TUBGCP6: variants seen among roughly 807,000 people sequenced by gnomAD.
TUBGCP6 encodes gamma-tubulin complex component 6.
A neutral mutation model predicts 175.8 loss-of-function variants in TUBGCP6; 161 were observed. That is an observed-to-expected ratio of 0.92 (90% CI 0.81 to 1.04). The LOEUF (loss-of-function observed/expected upper bound fraction) is 1.04. Ranked by LOEUF, TUBGCP6 falls within the 50% of genes least tolerant of loss-of-function variation. The pLI, the probability that TUBGCP6 is intolerant of heterozygous loss-of-function variation, is 0.00. For synonymous variants in TUBGCP6, 1,173 were observed against 1,030.5 expected (o/e 1.14, Z -2.65); for missense variants, 2,572 against 2,433.0 (o/e 1.06, Z -1.20).
chr22:50,226,371 G>C lies in TUBGCP6; in HGVS notation c.1609C>G (p.His537Asp), dbSNP rs749435327. 4.4e-6 allele frequency: 7 copies of C among 1,606,828 alleles called. No homozygotes were observed. Among genetic ancestry groups the C allele is most frequent in the Non-Finnish European group, 5.1e-6 (6 of 1,176,680 alleles). Residue 537 changes from histidine (H) to aspartate (D), a missense_variant, in exon 8 of 25, where the codon CAC (histidine) becomes GAC (aspartate). Physicochemically the swap from His to Asp is moderately conservative, Grantham distance 81 (BLOSUM62 -1). Coordinates refer to ENST00000248846, the MANE Select transcript of TUBGCP6 (RefSeq NM_020461.4). ...AACACCCCGCTGTACACCCAGTCGT[G>C]GATGAACCTGCAGTGGGGGAAAAGC... The part of the protein sequence containing the change: ...TSCEPYTRFI[H>D]DWVYSGVFRD...
intron 3 of TUBGCP6, among the ~76,000 whole-genome samples, chr22:50,232,966 C>T (rs541741889): frequency 2.0e-5 from 3 of 152,294 alleles, no homozygotes; most frequent in African/African-American, 7.2e-5. Flanking sequence ...AGTCTCGGGA[C>T]GCTCTCGGCA....
intron 2 of TUBGCP6, among the ~76,000 whole-genome samples, chr22:50,234,472 A>G: frequency 9.3e-6 from 1 of 107,406 alleles, no homozygotes; most frequent in Non-Finnish European, 1.8e-5. Flanking sequence ...AGCATCGCCC[A>G]CACCCCCGTC....
Position 50,227,059 on chromosome 22 carries a change from A to T in TUBGCP6, c.1431T>A (p.Cys477Ter). ...GRQLRYLAEL[C>*]GVGAVLPGTC... ...TGCCCGGGAGCACAGCGCCAACGCC[A>T]CAGAGCTCGGCCAGGTACCTAGACC... Residue 477 changes from cysteine to a stop codon, truncating the protein, a stop_gained, in exon 6 of 25, where the codon TGT (cysteine) becomes TGA (stop). Coordinates refer to ENST00000248846, the MANE Select transcript of TUBGCP6 (RefSeq NM_020461.4). LOFTEE classifies it high-confidence loss of function. 6.2e-7 allele frequency: 1 copy of T among 1,611,902 alleles called. No homozygotes were observed. The highest frequency in any genetic ancestry group is 8.5e-7 in the Non-Finnish European group (1 of 1,179,376).
rs539548427 is a variant in TUBGCP6, at chr22:50,217,928, A to G, written c.5358T>C (p.Phe1786=). The change falls in exon 24 of 25, where the codon TTT becomes TTC. Residue 1786 remains phenylalanine (F), a synonymous_variant. Coordinates refer to ENST00000248846, the MANE Select transcript of TUBGCP6 (RefSeq NM_020461.4). ...CAGGGTGGGCCTCACCTTTGAAGAG[A>G]AAGTGGGAGTAGTACTTGAAGGTGT... ...SYNTFKYYSH[F]LFKVVTKLVN... 1 of 1,605,534 alleles carries G rather than the reference A, an allele frequency of 6.2e-7. No individual in the cohort carries two copies. Among genetic ancestry groups the G allele is most frequent in the South Asian group, 1.1e-5 (1 of 90,690 alleles).
At chr22:50,228,600 G>A (rs2064648944) in intron 4 of TUBGCP6, among the ~76,000 whole-genome samples, 1 of 152,074 alleles carries the variant, frequency 6.6e-6, no homozygotes, top group Admixed American at 6.5e-5. Context: ...AGATGAACAA[G>A]AACCACAGTC....
At chr22:50,224,641 T>G in intron 10 of TUBGCP6, 49 bp from the exon 11 acceptor site, 1 of 1,593,000 alleles carries the variant, frequency 6.3e-7, no homozygotes, top group Non-Finnish European at 8.6e-7. Context: ...GCGCAGTGGC[T>G]CACGCCTGTA....
chr22:50,227,133 G>C, intron 5 of TUBGCP6, 56 bp from the exon 6 acceptor site: 3 of 1,500,342 alleles, frequency 2.0e-6, no homozygotes, highest in Non-Finnish European at 2.7e-6. Flanking sequence ...CCCAGGCCTG[G>C]ATCAGATCGT....
rs2064489471 is a variant in TUBGCP6, at chr22:50,220,019, T to C, written c.4109-4A>G. On this transcript the variant is annotated splice_region_variant and splice_polypyrimidine_tract_variant and intron_variant, in intron 16 of 24. Transcript: ENST00000248846. ...GTGTCCCCGCTCCTCCCAGGGCCTGTGTGGACACAAGTGGACACGAGGGCA... is the reference window on the plus strand; with the variant it reads ...GTGTCCCCGCTCCTCCCAGGGCCTGCGTGGACACAAGTGGACACGAGGGCA... 6.2e-7 allele frequency: 1 copy of C among 1,613,322 alleles called. No homozygotes were observed. The highest frequency in any genetic ancestry group is 8.5e-7 in the Non-Finnish European group (1 of 1,179,576).
chr22:50,226,866 G>A (rs2064619355), intron 6 of TUBGCP6, 24 bp from the exon 7 acceptor site: 4 of 1,565,082 alleles, frequency 2.6e-6, no homozygotes, highest in Non-Finnish European at 3.5e-6. Context: ...AGGGGGTGGG[G>A]GGCAGCTCAG....
chr22:50,240,608 G>A (rs551929381), intron 1 of TUBGCP6, among the ~76,000 whole-genome samples: 2 of 152,326 alleles, frequency 1.3e-5, no homozygotes, highest in East Asian at 3.9e-4. Context: ...GTGGAACTTA[G>A]AGTGAAACTT....
In TUBGCP6 at chr22:50,226,171, TG is replaced by T. The variant is rs2064605063; in HGVS notation, c.1711del (p.His571MetfsTer18). 1.2e-6 allele frequency: 2 copies of T among 1,614,018 alleles called. No individual in the cohort carries two copies. Among genetic ancestry groups the T allele is most frequent in the Non-Finnish European group, 1.7e-6 (2 of 1,180,028 alleles). ...CTCTTTGGAGATGAGCACGTAGCCA[TG>T]TGTCCAGTACAACTTATCTAAGGTA... is the stretch of plus-strand genomic sequence containing the variant. ...LSFRDKLYWT[H>X]GYVLISKEVE... On this transcript the variant is annotated frameshift_variant, in exon 9 of 25. Transcript: ENST00000248846. LOFTEE classifies it high-confidence loss of function.
chr22:50,220,470 G>A lies in TUBGCP6; in HGVS notation c.3889C>T (p.Pro1297Ser), dbSNP rs909274169. 5.6e-6 allele frequency: 9 copies of A among 1,613,006 alleles called. No individual in the cohort carries two copies. Among genetic ancestry groups the A allele is most frequent in the Middle Eastern group, 1.6e-4 (1 of 6,076 alleles). The change falls in exon 16 of 25, where the codon CCC (proline) becomes TCC (serine). Residue 1297 changes from proline to serine, a missense_variant. By Grantham distance (74) the Pro-to-Ser change is moderately conservative. Transcript: ENST00000248846. The part of the protein sequence containing the change: ...EPNTPRPQQS[P>S]PGHTSQSALS... ...GCTGACTGGGACGTGTGGCCAGGGG[G>A]GCTCTGTTGGGGCCTGGGTGTGTTG...
At position 50,226,988 on chromosome 22, in the gene TUBGCP6, G is replaced by C; in HGVS notation, c.1491+11C>G. ...CCAGGCTGACACACTCGGCAGGGACGCACAACTCACGGTGGGAAACGCGGC... is the reference window on the plus strand; with the variant it reads ...CCAGGCTGACACACTCGGCAGGGACCCACAACTCACGGTGGGAAACGCGGC... On this transcript the variant is annotated intron_variant, in intron 6 of 24. Coordinates refer to ENST00000248846, the MANE Select transcript of TUBGCP6 (RefSeq NM_020461.4). 6.2e-7 allele frequency: 1 copy of C among 1,610,132 alleles called. No individual in the cohort carries two copies. The highest frequency in any genetic ancestry group is 8.5e-7 in the Non-Finnish European group (1 of 1,178,642).
chr22:50,236,524 G>C (rs2064780187), intron 2 of TUBGCP6, among the ~76,000 whole-genome samples: 1 of 152,168 alleles, frequency 6.6e-6, no homozygotes, highest in Admixed American at 6.5e-5. Context: ...TTTGCCTTCT[G>C]CTGGTGCTGA....
In TUBGCP6 at chr22:50,219,683, ACTGCCCTGC is replaced by A. The variant is rs761485862; in HGVS notation, c.4267_4275del (p.Ala1423_Gln1425del). On this transcript the variant is annotated inframe_deletion, in exon 18 of 25. Coordinates refer to ENST00000248846, the MANE Select transcript of TUBGCP6 (RefSeq NM_020461.4). ...CTGTCCGGGTACCGCTCCAAGTGGTACTGCCCTGCCAGGCCTGCCAGGTAGGCCTGCTCC... is the reference window on the plus strand; with the variant it reads ...CTGTCCGGGTACCGCTCCAAGTGGTACAGGCCTGCCAGGTAGGCCTGCTCC... 10 of 1,613,744 alleles carry A rather than the reference ACTGCCCTGC, an allele frequency of 6.2e-6. No homozygotes were observed. In the South Asian group the frequency reaches 1.1e-4, roughly 18 times the overall value.
chr22:50,219,537 C>G (rs1344000114), intron 18 of TUBGCP6, 81 bp from the exon 19 acceptor site: 6 of 1,584,660 alleles, frequency 3.8e-6, no homozygotes. Context: ...GGAGCACGTG[C>G]TGGGAACTGG....
At chr22:50,233,668 T>A in intron 2 of TUBGCP6, 142 bp from the exon 3 acceptor site, 3 of 826,520 alleles carry the variant, frequency 3.6e-6, no homozygotes, top group African/African-American at 1.7e-5. Flanking sequence ...TAGCCAGGTA[T>A]GAATGTCAGC....
intron 2 of TUBGCP6, among the ~76,000 whole-genome samples, chr22:50,237,812 T>C (rs570244127): frequency 6.6e-6 from 1 of 152,136 alleles, no homozygotes; most frequent in South Asian, 2.1e-4. Context: ...AAAATGAACC[T>C]AGAAAAGGGG....
In TUBGCP6 at chr22:50,218,383, G is replaced by A. The variant is rs140208626; in HGVS notation, c.4974C>T (p.Ala1658=). 100 of 1,613,060 alleles carry A rather than the reference G, an allele frequency of 6.2e-5. No homozygotes were observed. The South Asian group carries it at 7.0e-4, about 11-fold the overall frequency. ...GCAGCTGACGGAACTGCACAGAGCC[G>A]GCCATGTGGCTCAGCAGGGCTGGCG... The part of the protein sequence containing the change: ...LKRTALLSHM[A]GSVQFRQLQL... The change falls in exon 23 of 25, where the codon GCC becomes GCT. Residue 1658 remains alanine, a synonymous_variant. Transcript: ENST00000248846.
Sources: gnomAD v4.1 joint callset for allele counts (sites outside exome capture counted in the v4.1 genomes callset) on GRCh38, gnomAD v4.1.1 for gene constraint, MANE v1.5 for transcripts, NCBI Gene and HGNC (gene_info 2026-07-23, HGNC 2026-07-21) for gene names.